EMSY: variants seen among roughly 807,000 people sequenced by gnomAD.
The protein encoded by EMSY is EMSY transcriptional repressor, BRCA2 interacting.
EMSY carries 26 observed loss-of-function variants against 134.6 expected under a neutral mutation model. The observed-to-expected ratio is 0.19, with a 90% confidence interval of 0.14 to 0.27. The LOEUF is 0.27. Among genes scored for constraint, EMSY ranks in the 10% least tolerant of loss-of-function variants. EMSY has a pLI of 1.00. For missense variants in EMSY, 1,305 were observed against 1,611.4 expected (o/e 0.81, Z 3.26); for synonymous variants, 579 against 577.8 (o/e 1.00, Z -0.03).
chr11:76,446,919 G>T (rs778835986), exon 2 of EMSY: 9 of 1,609,330 alleles, frequency 5.6e-6, no homozygotes, highest in African/African-American at 1.3e-5. Context: ...GCTCTTTGGG[G>T]CTACCAAACA....
chr11:76,464,728 T>C (rs1565283620), intron 7 of EMSY, among the ~76,000 whole-genome samples: 1 of 152,196 alleles, frequency 6.6e-6, no homozygotes, highest in Non-Finnish European at 1.5e-5. Flanking sequence ...GTTTCTTTGC[T>C]TATTTTGCCA....
At chr11:76,458,670 T>C (rs1294679841) in intron 5 of EMSY, 1 of 192,662 alleles carries the variant, frequency 5.2e-6, no homozygotes, top group African/African-American at 2.4e-5. Flanking sequence ...AGAAAATAAA[T>C]AAGGTAACAG....
At chr11:76,471,120 C>G (rs1948552940) in intron 7 of EMSY, among the ~76,000 whole-genome samples, 1 of 152,148 alleles carries the variant, frequency 6.6e-6, no homozygotes, top group Admixed American at 6.5e-5. Context: ...TCATCCCTGC[C>G]TGGTTTGTTA....
chr11:76,446,909 G>T, exon 2 of EMSY: 1 of 1,603,994 alleles, frequency 6.2e-7, no homozygotes, highest in Non-Finnish European at 8.5e-7. Flanking sequence ...GGGAGGACAA[G>T]CTCTTTGGGG....
intron 7 of EMSY, among the ~76,000 whole-genome samples, chr11:76,467,493 A>G (rs1268094583): frequency 2.6e-5 from 4 of 152,152 alleles, no homozygotes; most frequent in East Asian, 1.9e-4. Context: ...TTTATCTTCT[A>G]TTTCTCCCAG....
chr11:76,454,292 A>G (rs1947786491), intron 4 of EMSY, among the ~76,000 whole-genome samples: 1 of 152,168 alleles, frequency 6.6e-6, no homozygotes, highest in Admixed American at 6.6e-5. Flanking sequence ...TACTTAACAT[A>G]AAATGGGGTG....
chr11:76,453,951 A>G (rs1426628164), intron 4 of EMSY: 1 of 152,226 alleles, frequency 6.6e-6, no homozygotes, highest in African/African-American at 2.4e-5. Flanking sequence ...GATCATTATA[A>G]CTATTTAAGA....
intron 14 of EMSY, among the ~76,000 whole-genome samples, chr11:76,530,154 G>GT (rs1342891670): frequency 7.9e-6 from 1 of 126,382 alleles, no homozygotes; most frequent in African/African-American, 3.6e-5. Context: ...GAATCTTTAG[G>GT]GTTTTTTTTT....
intron 18 of EMSY, 122 bp from the exon 20 acceptor site, chr11:76,544,137 C>A: frequency 9.8e-7 from 1 of 1,024,446 alleles, no homozygotes; most frequent in Non-Finnish European, 1.4e-6. Flanking sequence ...GGTTTCTTGG[C>A]CTTTCTAGGT....
chr11:76,497,651 C>T (rs1482646895), intron 9 of EMSY, among the ~76,000 whole-genome samples: 1 of 151,926 alleles, frequency 6.6e-6, no homozygotes, highest in Non-Finnish European at 1.5e-5. Flanking sequence ...TGTAGTAGTT[C>T]TTTACTATTC....
At chr11:76,509,886 TTCTC>T (rs981857609) in intron 9 of EMSY, among the ~76,000 whole-genome samples, 1 of 152,232 alleles carries the variant, frequency 6.6e-6, no homozygotes, top group African/African-American at 2.4e-5. Flanking sequence ...AATGAATGCT[TTCTC>T]TATTCAAAAA....
In EMSY at chr11:76,528,372, G is replaced by A. The variant is rs560969108; in HGVS notation, c.2100G>A (p.Glu700=). 45 of 1,612,688 alleles carry A rather than the reference G, an allele frequency of 2.8e-5. No homozygotes were observed. In the South Asian group the frequency reaches 4.5e-4, roughly 16 times the overall value. Reference sequence around the variant, plus strand: ...TACAGCAAGCATCCAGGGTAGCAGAGGCTGGTAATTCATCTATTCAGGAAG... The same window carrying A: ...TACAGCAAGCATCCAGGGTAGCAGAAGCTGGTAATTCATCTATTCAGGAAG... The change falls in exon 14 of 21, where the codon GAG becomes GAA. Residue 700 remains glutamate, a synonymous_variant. Transcript: ENST00000334736.
chr11:76,494,020 G>A (rs1949529365), intron 8 of EMSY, among the ~76,000 whole-genome samples: 1 of 152,254 alleles, frequency 6.6e-6, no homozygotes. Flanking sequence ...GCGCCACTGT[G>A]TTCTCGTTCA....
chr11:76,550,360 G>GAA (rs11433055), exon 21 of EMSY: 1,373 of 323,324 alleles, frequency 4.2e-3, no homozygotes, highest in East Asian at 8.1e-3. Context: ...AAATGAAAAA[G>GAA]AAAAAAAAAG....
At chr11:76,477,588 T>G (rs1000065390) in intron 8 of EMSY, among the ~76,000 whole-genome samples, 4 of 152,110 alleles carry the variant, frequency 2.6e-5, no homozygotes, top group Non-Finnish European at 5.9e-5. Context: ...TTGGAAGGAG[T>G]AATTTTTAAT....
chr11:76,534,339 A>G (rs1412178161), intron 14 of EMSY, among the ~76,000 whole-genome samples: 1 of 152,202 alleles, frequency 6.6e-6, no homozygotes, highest in South Asian at 2.1e-4. Flanking sequence ...CTTAAAATGA[A>G]TAAAAGCTGC....
At chr11:76,524,608 G>C (rs150314340) in intron 12 of EMSY, among the ~76,000 whole-genome samples, 2 of 152,184 alleles carry the variant, frequency 1.3e-5, no homozygotes, top group Non-Finnish European at 2.9e-5. Context: ...GGGATGCTTT[G>C]TATTCTAGGC....
chr11:76,458,282 A>G (rs774303835), exon 5 of EMSY: 1 of 1,614,150 alleles, frequency 6.2e-7, no homozygotes, highest in Non-Finnish European at 8.5e-7. Context: ...TTACTGTAAC[A>G]GCTAATGCTG....
intron 14 of EMSY, among the ~76,000 whole-genome samples, chr11:76,531,403 GT>G (rs1158054815): frequency 6.6e-6 from 1 of 151,932 alleles, no homozygotes; most frequent in Admixed American, 6.6e-5. Flanking sequence ...GCCTTTCTTT[GT>G]ATTTCATGAC....
Sources: allele counts gnomAD v4.1 joint callset (sites outside exome capture counted in the v4.1 genomes callset), GRCh38; gene constraint gnomAD v4.1.1; transcripts MANE v1.5; gene names NCBI Gene and HGNC (gene_info 2026-07-23, HGNC 2026-07-21).